SIAH3: variants seen among roughly 807,000 people sequenced by gnomAD.
SIAH3 encodes seven in absentia homolog 3.
A neutral mutation model predicts 12.6 loss-of-function variants in SIAH3; 9 were observed. The ratio of observed to expected loss-of-function variants is 0.72; its 90% CI spans 0.43 to 1.25. The LOEUF (loss-of-function observed/expected upper bound fraction) is 1.25, where lower values mean the gene tolerates loss of function less well. Among genes scored for constraint, SIAH3 ranks in the 50% most tolerant of loss-of-function variants. The pLI is 0.00. For synonymous variants in SIAH3, 154 were observed against 151.1 expected (o/e 1.02, Z -0.14); for missense variants, 390 against 365.4 (o/e 1.07, Z -0.55).
Position 45,779,399 on chromosome 13 carries a change from A to G in SIAH3, c.*3984T>C, listed in dbSNP as rs1206674649. ...GTACTCCACTAGGTCTTGGGTTGAA[A>G]AAAGAGGGAGAAAAAGGGGAGCTAA... is the stretch of plus-strand genomic sequence containing the variant. On this transcript the variant is annotated 3_prime_UTR_variant, in exon 2 of 2. Transcript: ENST00000400405. 4 of 152,312 alleles carry G rather than the reference A, an allele frequency of 2.6e-5. No individual in the cohort carries two copies. Among genetic ancestry groups the G allele is most frequent in the African/African-American group, 9.6e-5 (4 of 41,558 alleles). The allele number at this position is 152,312 out of a possible 1,614,324, so 9.4% of individuals were successfully genotyped here. A position where few individuals can be genotyped will look rare whatever the true frequency, so the allele number is the denominator to read the frequency against.
chr13:45,787,425 A>G (rs1208695798), intron 1 of SIAH3, among the ~76,000 whole-genome samples: 3 of 152,208 alleles, frequency 2.0e-5, no homozygotes, highest in Non-Finnish European at 2.9e-5. Context: ...CTAGCTCACT[A>G]TGATTGTGTG....
At chr13:45,790,442 C>G (rs984111663) in intron 1 of SIAH3, among the ~76,000 whole-genome samples, 3 of 151,964 alleles carry the variant, frequency 2.0e-5, no homozygotes, top group Non-Finnish European at 4.4e-5. Context: ...TTGCCAGCCA[C>G]AAGGGAAGGA....
intron 1 of SIAH3, among the ~76,000 whole-genome samples, chr13:45,845,358 C>T (rs114045351): frequency 1.3e-5 from 2 of 151,890 alleles, no homozygotes; most frequent in African/African-American, 4.8e-5. Context: ...GAGATCTCGG[C>T]GGTTTGGGTG....
chr13:45,783,068 C>T lies in SIAH3; in HGVS notation c.*315G>A, dbSNP rs867513590. The T allele has an allele frequency of 1.3e-4, 22 of 170,966 alleles. No homozygotes were observed. Among genetic ancestry groups the T allele is most frequent in the East Asian group, 6.0e-4 (4 of 6,688 alleles). 10.6% of individuals were successfully genotyped at this position (170,966 alleles called of 1,614,324 possible). On this transcript the variant is annotated 3_prime_UTR_variant, in exon 2 of 2. Transcript: ENST00000400405. ...GGTGTTTTGATCCTTTCAAAACTAG[C>T]GGAGAAAGGACTTGGAGGTGACAGG...
intron 1 of SIAH3, among the ~76,000 whole-genome samples, chr13:45,810,384 G>T (rs573679576): frequency 6.6e-6 from 1 of 152,214 alleles, no homozygotes; most frequent in Non-Finnish European, 1.5e-5. Context: ...TTGTCAGGCC[G>T]CTATAGTGCT....
At chr13:45,837,443 A>C (rs902134040) in intron 1 of SIAH3, among the ~76,000 whole-genome samples, 21 of 152,114 alleles carry the variant, frequency 1.4e-4, no homozygotes, top group Non-Finnish European at 2.5e-4. Context: ...AAAAGAATGA[A>C]AAAAAGGAAG....
At chr13:45,809,387 G>T (rs1286565710) in intron 1 of SIAH3, among the ~76,000 whole-genome samples, 1 of 152,204 alleles carries the variant, frequency 6.6e-6, no homozygotes, top group African/African-American at 2.4e-5. Context: ...ATAACAGACG[G>T]CCCAGATAAA....
intron 1 of SIAH3, among the ~76,000 whole-genome samples, chr13:45,786,322 C>T (rs756018732): frequency 6.6e-6 from 1 of 152,166 alleles, no homozygotes; most frequent in African/African-American, 2.4e-5. Flanking sequence ...TGAGAAGGCC[C>T]CTCTCTACCA....
At chr13:45,800,942 A>C (rs1174763365) in intron 1 of SIAH3, among the ~76,000 whole-genome samples, 1 of 152,162 alleles carries the variant, frequency 6.6e-6, no homozygotes, top group Non-Finnish European at 1.5e-5. Context: ...GAAAGGGATG[A>C]AACCTCGCTT....
intron 1 of SIAH3, among the ~76,000 whole-genome samples, chr13:45,823,060 C>T (rs967915582): frequency 1.3e-5 from 2 of 152,186 alleles, no homozygotes; most frequent in Non-Finnish European, 2.9e-5. Context: ...CAGATTAAAG[C>T]TGTTAGCTCT....
At position 45,778,181 on chromosome 13, in the gene SIAH3, A is replaced by T. The variant is rs1950490936; in HGVS notation, c.*5202T>A. Reference sequence around the variant, plus strand: ...GATAATGCATCTTATGTGGTGTTTGACACCACTGCTTGCTGTGTCTCTTGA... The same window carrying T: ...GATAATGCATCTTATGTGGTGTTTGTCACCACTGCTTGCTGTGTCTCTTGA... On this transcript the variant is annotated 3_prime_UTR_variant, in exon 2 of 2. Coordinates refer to ENST00000400405, the MANE Select transcript of SIAH3 (RefSeq NM_198849.3). 6.6e-6 allele frequency: 1 copy of T among 152,180 alleles called. No homozygotes were observed. The highest frequency in any genetic ancestry group is 2.1e-4 in the South Asian group (1 of 4,828). The allele number at this position is 152,180 out of a possible 1,614,324, so 9.4% of individuals were successfully genotyped here.
rs2137546366 is a variant in SIAH3, at chr13:45,783,544, T to C, written c.649A>G (p.Thr217Ala). ...RNHRRLKWEA[T>A]PRSVLECVDS... is the part of the protein sequence containing the mutation. ...ACGCACTCAAGAACAGACCGGGGCG[T>C]GGCCTCCCACTTGAGGCGCCGATGG... is the stretch of plus-strand genomic sequence containing the variant. The change falls in exon 2 of 2, where the codon ACG (threonine) becomes GCG (alanine). Residue 217 changes from threonine to alanine, a missense_variant. Physicochemically the swap from Thr to Ala is moderately conservative, Grantham distance 58 (BLOSUM62 0). Coordinates refer to ENST00000400405, the MANE Select transcript of SIAH3 (RefSeq NM_198849.3). 1.2e-6 allele frequency: 2 copies of C among 1,614,202 alleles called. No homozygotes were observed. The highest frequency in any genetic ancestry group is 1.7e-6 in the Non-Finnish European group (2 of 1,180,022).
At chr13:45,826,386 T>A in intron 1 of SIAH3, among the ~76,000 whole-genome samples, 2 of 28,428 alleles carry the variant, frequency 7.0e-5, no homozygotes, top group Non-Finnish European at 7.7e-5. Flanking sequence ...AATGAATGGA[T>A]GGATGGATGG....
At chr13:45,800,017 C>G (rs1390892882) in intron 1 of SIAH3, among the ~76,000 whole-genome samples, 1 of 152,100 alleles carries the variant, frequency 6.6e-6, no homozygotes, top group East Asian at 1.9e-4. Context: ...GGGTTGATGA[C>G]ATATTGTTTT....
intron 1 of SIAH3, among the ~76,000 whole-genome samples, chr13:45,832,635 C>T (rs1340962351): frequency 2.0e-5 from 3 of 152,186 alleles, no homozygotes; most frequent in African/African-American, 4.8e-5. Context: ...GTGAATAATG[C>T]TGCAATAAAC....
At chr13:45,805,009 C>CAA (rs1491434727) in intron 1 of SIAH3, among the ~76,000 whole-genome samples, 1 of 134,198 alleles carries the variant, frequency 7.5e-6, no homozygotes, top group Non-Finnish European at 1.6e-5. Flanking sequence ...CACACACACA[C>CAA]AAAATACTTT....
rs202034815 is a variant in SIAH3 at position 45,783,270 on chromosome 13, TAA to T, written c.*111_*112del. 388 of 566,594 alleles carry T rather than the reference TAA, an allele frequency of 6.8e-4. No homozygotes were observed. Among genetic ancestry groups the T allele is most frequent in the Non-Finnish European group, 8.0e-4 (304 of 377,692 alleles). 35.1% of individuals were successfully genotyped at this position (566,594 alleles called of 1,614,324 possible). A position where few individuals can be genotyped will look rare whatever the true frequency, so the allele number is the denominator to read the frequency against. On this transcript the variant is annotated 3_prime_UTR_variant, in exon 2 of 2. Transcript: ENST00000400405. ...CAAAAAAATAATAATAATTAAAAAT[TAA>T]AAAAAAAAAAAAGAAAGGAGAAGAA...
At chr13:45,808,232 A>G (rs1267773523) in intron 1 of SIAH3, among the ~76,000 whole-genome samples, 1 of 152,142 alleles carries the variant, frequency 6.6e-6, no homozygotes, top group African/African-American at 2.4e-5. Context: ...AGGGCAAACT[A>G]TACCTAAAAG....
chr13:45,807,444 A>C (rs1286440872), intron 1 of SIAH3, among the ~76,000 whole-genome samples: 1 of 152,240 alleles, frequency 6.6e-6, no homozygotes, highest in Non-Finnish European at 1.5e-5. Flanking sequence ...GTGCATGAGA[A>C]AACAAAGCAG....
Sources: allele counts gnomAD v4.1 joint callset (sites outside exome capture counted in the v4.1 genomes callset), GRCh38; gene constraint gnomAD v4.1.1; transcripts MANE v1.5; gene names NCBI Gene and HGNC (gene_info 2026-07-23, HGNC 2026-07-21).